Variants in AOPEP observed in about 807,000 individuals in gnomAD.
AOPEP encodes aminopeptidase O.
AOPEP carries 77 observed loss-of-function variants against 98.1 expected under a neutral mutation model. That is an observed-to-expected ratio of 0.78 (90% CI 0.65 to 0.95). AOPEP has a LOEUF of 0.95. AOPEP is among the 40% of genes least tolerant of loss of function. AOPEP has a pLI of 0.00. For missense variants in AOPEP, 1,024 were observed against 1,024.7 expected, an observed-to-expected ratio of 1.00 and a Z score of 0.01; for synonymous variants, 346 against 365.3, an observed-to-expected ratio of 0.95 and a Z score of 0.60.
At chr9:94,958,321 G>C (rs1207585612) in intron 9 of AOPEP, among the ~76,000 whole-genome samples, 2 of 151,726 alleles carry the variant, frequency 1.3e-5, no homozygotes, top group Non-Finnish European at 2.9e-5. Context: ...TTCATCTTTT[G>C]GCCATTGTGA....
chr9:94,991,057 C>T (rs919548228), intron 11 of AOPEP, among the ~76,000 whole-genome samples: 3 of 152,194 alleles, frequency 2.0e-5, no homozygotes, highest in Non-Finnish European at 4.4e-5. Context: ...TGTTTGACAT[C>T]GCACAGCATC....
intron 13 of AOPEP, among the ~76,000 whole-genome samples, chr9:95,028,290 C>T (rs1017996817): frequency 6.6e-6 from 1 of 152,216 alleles, no homozygotes; most frequent in African/African-American, 2.4e-5. Flanking sequence ...AGGAACGGTT[C>T]TCATAGGGCA....
At chr9:94,829,000 C>T (rs924623228) in intron 5 of AOPEP, among the ~76,000 whole-genome samples, 2 of 151,810 alleles carry the variant, frequency 1.3e-5, no homozygotes, top group Non-Finnish European at 2.9e-5. Flanking sequence ...TCCCAAGTAG[C>T]TGGGATTACA....
At chr9:95,146,403 G>A in the AOPEP span, among the ~76,000 whole-genome samples, 3 of 141,058 alleles carry the variant, frequency 2.1e-5, no homozygotes, top group Admixed American at 7.6e-5. Context: ...TGGGAGGATC[G>A]CCTGAGCCTG....
At chr9:95,107,021 G>A in the AOPEP span, 10 of 1,598,726 alleles carry the variant, frequency 6.3e-6, no homozygotes, top group Non-Finnish European at 8.6e-6. Flanking sequence ...CCTCTCGCCT[G>A]GAGCAGAAAT....
chr9:94,919,944 C>T (rs926575886), intron 5 of AOPEP, among the ~76,000 whole-genome samples: 1 of 152,088 alleles, frequency 6.6e-6, no homozygotes, highest in South Asian at 2.1e-4. Flanking sequence ...TAAGAAGTAC[C>T]AGCTTGATAA....
intron 13 of AOPEP, among the ~76,000 whole-genome samples, chr9:95,016,455 C>T (rs933232326): frequency 2.0e-5 from 3 of 151,494 alleles, no homozygotes; most frequent in Non-Finnish European, 2.9e-5. Flanking sequence ...GTTGACCAGG[C>T]TGGTGCTGAA....
intron 5 of AOPEP, among the ~76,000 whole-genome samples, chr9:94,840,443 T>C (rs2042141563): frequency 6.6e-6 from 1 of 152,252 alleles, no homozygotes. Context: ...ATGAGGGATA[T>C]TGGCCTGCAG....
At position 94,928,699 on chromosome 9, in the gene AOPEP, G is replaced by A. The variant is rs140120435; in HGVS notation, c.1661+168G>A. ...ATGTTCTAAGTCTTTCAGGGCATGC[G>A]TTTCGATTTGCCTTCCGTCATTTTC... On this transcript the variant is annotated intron_variant, in intron 7 of 16. Transcript: ENST00000375315. 1,165 of 544,482 alleles carry A rather than the reference G, an allele frequency of 2.1e-3. 2 individuals are homozygous for A. The highest frequency in any genetic ancestry group is 6.8e-3 in the Middle Eastern group (24 of 3,550). 33.7% of individuals were successfully genotyped at this position (544,482 alleles called of 1,614,324 possible). A position where few individuals can be genotyped will look rare whatever the true frequency, so the allele number is the denominator to read the frequency against.
intron 5 of AOPEP, among the ~76,000 whole-genome samples, chr9:94,860,413 G>A (rs923404606): frequency 6.6e-6 from 1 of 152,042 alleles, no homozygotes; most frequent in African/African-American, 2.4e-5. Flanking sequence ...GGACGGGGTG[G>A]GCAGGTCGTG....
At chr9:94,940,269 T>C (rs2056856143) in intron 7 of AOPEP, among the ~76,000 whole-genome samples, 1 of 152,178 alleles carries the variant, frequency 6.6e-6, no homozygotes, top group Admixed American at 6.5e-5. Flanking sequence ...ACATGTATGT[T>C]AAGTTGAATC....
intron 5 of AOPEP, among the ~76,000 whole-genome samples, chr9:94,858,404 G>T (rs938635519): frequency 6.6e-6 from 1 of 152,170 alleles, no homozygotes; most frequent in African/African-American, 2.4e-5. Context: ...AATGGATTCT[G>T]TCACAGTTCT....
rs938657095 is a variant in AOPEP at position 94,784,464 on chromosome 9, C to T, written c.965-8301C>T. 7.9e-5 allele frequency among the ~76,000 whole-genome samples: 12 copies of T among 152,132 alleles called. 1 individual carries two copies. The highest frequency in any genetic ancestry group is 2.9e-4 in the African/African-American group (12 of 41,434). On this transcript the variant is annotated intron_variant, in intron 3 of 16. Coordinates refer to ENST00000375315, the MANE Select transcript of AOPEP (RefSeq NM_001193329.3). Reference sequence around the variant, plus strand: ...ACTCCTTCATGTTCTTCCTTTTTCCCTCTTCACTGAGAATTATTCTTCCTC... The same window carrying T: ...ACTCCTTCATGTTCTTCCTTTTTCCTTCTTCACTGAGAATTATTCTTCCTC...
chr9:95,035,918 G>C (rs1361621616), intron 13 of AOPEP, among the ~76,000 whole-genome samples: 2 of 152,142 alleles, frequency 1.3e-5, no homozygotes, highest in South Asian at 4.2e-4. Context: ...AGTTATGACA[G>C]ACTTCCCTCC....
the AOPEP span, chr9:95,111,164 T>C: frequency 2.0e-6 from 3 of 1,535,532 alleles, no homozygotes; most frequent in Non-Finnish European, 1.7e-6. Context: ...GACGCGACCC[T>C]GGGGCAGATA....
In AOPEP at chr9:94,906,101, G is replaced by A. The variant is rs543290718; in HGVS notation, c.1365-17885G>A. Among the ~76,000 whole-genome samples, 7 of 152,252 alleles carry A rather than the reference G, an allele frequency of 4.6e-5. No individual in the cohort carries two copies. The East Asian group carries it at 1.4e-3, about 29-fold the overall frequency. ...TCACACCTATAATCCCAACACTTTG[G>A]GAGGCTGAGGTGGCAGGATCACTTA... On this transcript the variant is annotated intron_variant, in intron 5 of 16. Transcript: ENST00000375315.
At chr9:94,792,336 T>TA (rs1338002353) in intron 3 of AOPEP, among the ~76,000 whole-genome samples, 1 of 152,214 alleles carries the variant, frequency 6.6e-6, no homozygotes, top group East Asian at 1.9e-4. Flanking sequence ...ACAAGATAGT[T>TA]ACAGCACAAA....
At chr9:94,883,993 C>T (rs981159419) in intron 5 of AOPEP, among the ~76,000 whole-genome samples, 35 of 152,164 alleles carry the variant, frequency 2.3e-4, no homozygotes, top group African/African-American at 8.0e-4. Context: ...GACTAGACCC[C>T]AAGATAGAGT....
intron 11 of AOPEP, among the ~76,000 whole-genome samples, chr9:94,999,798 G>A (rs928789861): frequency 1.3e-5 from 2 of 152,114 alleles, no homozygotes; most frequent in Non-Finnish European, 2.9e-5. Flanking sequence ...GTGTGTGTGT[G>A]TGCATGCATG....
Sources: allele counts gnomAD v4.1 joint callset (sites outside exome capture counted in the v4.1 genomes callset), GRCh38; gene constraint gnomAD v4.1.1; transcripts MANE v1.5; gene names NCBI Gene and HGNC (gene_info 2026-07-23, HGNC 2026-07-21).